EBF3: variants seen among roughly 807,000 people sequenced by gnomAD.
The protein encoded by EBF3 is transcription factor COE3.
In EBF3, 18 loss-of-function variants were observed where a neutral mutation model predicts 77.1. The ratio of observed to expected loss-of-function variants is 0.23; its 90% CI spans 0.16 to 0.35. The LOEUF (loss-of-function observed/expected upper bound fraction) is 0.35, where lower values mean the gene tolerates loss of function less well. Among genes scored for constraint, EBF3 ranks in the 10% least tolerant of loss-of-function variants. EBF3 has a pLI of 1.00. For missense variants in EBF3, 558 were observed against 860.0 expected, an observed-to-expected ratio of 0.65 and a Z score of 4.39; for synonymous variants, 350 against 343.5, an observed-to-expected ratio of 1.02 and a Z score of -0.21.
rs569021454 is a variant in EBF3 at position 129,896,793 on chromosome 10, T to C, written c.555-18944A>G. 4.3e-4 allele frequency among the ~76,000 whole-genome samples: 66 copies of C among 152,362 alleles called. 1 individual carries two copies. The South Asian group carries it at 0.013, about 30-fold the overall frequency. ...CCCTGTAGCTCCAACTCCTGAGAGC[T>C]GGTGACACGCCCAGCCCGTAGCCAC... is the stretch of plus-strand genomic sequence containing the variant. On this transcript the variant is annotated intron_variant, in intron 6 of 16. Coordinates refer to ENST00000440978, the MANE Select transcript of EBF3 (RefSeq NM_001375380.1).
intron 6 of EBF3, among the ~76,000 whole-genome samples, chr10:129,926,255 G>A (rs765647451): frequency 1.3e-5 from 2 of 152,172 alleles, no homozygotes; most frequent in African/African-American, 2.4e-5. Flanking sequence ...ATGGCGGAAC[G>A]CACACCTTGG....
At chr10:129,941,966 G>A (rs10764923) in intron 6 of EBF3, among the ~76,000 whole-genome samples, 101,419 of 152,066 alleles carry the variant, frequency 0.67, 34,271 homozygotes, top group East Asian at 0.95. Flanking sequence ...ACAGACACAC[G>A]AGGACTTGGC....
intron 10 of EBF3, among the ~76,000 whole-genome samples, chr10:129,860,617 G>T (rs1301947268): frequency 6.6e-6 from 1 of 152,162 alleles, no homozygotes; most frequent in East Asian, 1.9e-4. Flanking sequence ...AGCCCCCTCG[G>T]ATGACAGACA....
At chr10:129,895,442 C>T (rs544026225) in intron 6 of EBF3, among the ~76,000 whole-genome samples, 278 of 152,350 alleles carry the variant, frequency 1.8e-3, no homozygotes, top group African/African-American at 6.0e-3. Flanking sequence ...AGCTGGGCTG[C>T]GGCCCAGCTA....
At chr10:129,939,990 TC>T (rs1203497653) in intron 6 of EBF3, among the ~76,000 whole-genome samples, 1 of 152,170 alleles carries the variant, frequency 6.6e-6, no homozygotes, top group Non-Finnish European at 1.5e-5. Flanking sequence ...CCTGGCAGCT[TC>T]CCCTCTGACG....
intron 6 of EBF3, among the ~76,000 whole-genome samples, chr10:129,921,290 C>A (rs909391838): frequency 3.9e-5 from 6 of 152,094 alleles, no homozygotes; most frequent in African/African-American, 1.4e-4. Context: ...TCCTGGGCAC[C>A]GCAGGGTGTT....
In EBF3 at chr10:129,836,147, A is replaced by G. The variant is rs549836608; in HGVS notation, c.*1796T>C. The stretch of plus-strand genomic sequence containing the variant: ...TGTGTGTGTTTGTGTGTTTTACACC[A>G]TACATCTCCAAATGAAGTATTTATT... On this transcript the variant is annotated 3_prime_UTR_variant, in exon 17 of 17. Coordinates refer to ENST00000440978, the MANE Select transcript of EBF3 (RefSeq NM_001375380.1). The G allele has an allele frequency of 3.9e-5, 6 of 152,746 alleles. No individual in the cohort carries two copies. The highest frequency in any genetic ancestry group is 1.4e-4 in the African/African-American group (6 of 41,550). 9.5% of individuals were successfully genotyped at this position (152,746 alleles called of 1,614,324 possible). A position where few individuals can be genotyped will look rare whatever the true frequency, so the allele number is the denominator to read the frequency against.
rs966634791 is a variant in EBF3, at chr10:129,893,232, G to A, written c.555-15383C>T. 5.9e-5 allele frequency among the ~76,000 whole-genome samples: 9 copies of A among 152,176 alleles called. No homozygotes were observed. The East Asian group carries it at 1.7e-3, about 29-fold the overall frequency. On this transcript the variant is annotated intron_variant, in intron 6 of 16. Coordinates refer to ENST00000440978, the MANE Select transcript of EBF3 (RefSeq NM_001375380.1). ...AATCAATAAGGAGTAAATAAAGATTGGCATTCACTATACTCCACTTGACAA... is the reference window on the plus strand; with the variant it reads ...AATCAATAAGGAGTAAATAAAGATTAGCATTCACTATACTCCACTTGACAA...
chr10:129,959,821 G>A (rs571107637), intron 4 of EBF3, among the ~76,000 whole-genome samples: 1 of 152,002 alleles, frequency 6.6e-6, no homozygotes, highest in Non-Finnish European at 1.5e-5. Flanking sequence ...CAGGGCGCCC[G>A]AGCCCGCGCG....
At position 129,927,689 on chromosome 10, in the gene EBF3, C is replaced by T. The variant is rs551044541; in HGVS notation, c.554+29569G>A. On this transcript the variant is annotated intron_variant, in intron 6 of 16. Transcript: ENST00000440978. ...CATAGTCGTCTTCTTCCTTTCGGCC[C>T]TCCCTCTGCCCTTTGAGTCTACCTG... Among the ~76,000 whole-genome samples the T allele has an allele frequency of 2.6e-3, 390 of 152,306 alleles. 4 individuals are homozygous for T. The highest frequency in any genetic ancestry group is 8.8e-3 in the African/African-American group (367 of 41,558).
At chr10:129,953,023 CTG>C (rs1858779559) in intron 6 of EBF3, among the ~76,000 whole-genome samples, 1 of 137,986 alleles carries the variant, frequency 7.2e-6, no homozygotes, top group Non-Finnish European at 1.5e-5. Flanking sequence ...AAAGGAAACA[CTG>C]TTGACTAAAA....
chr10:129,921,682 T>A (rs1856322229), intron 6 of EBF3, among the ~76,000 whole-genome samples: 1 of 152,192 alleles, frequency 6.6e-6, no homozygotes, highest in South Asian at 2.1e-4. Context: ...CTGCTGCCCG[T>A]CCTGAGCACC....
Position 129,918,489 on chromosome 10 carries a change from G to A in EBF3, c.554+38769C>T, listed in dbSNP as rs574369102. Among the ~76,000 whole-genome samples, 193 of 152,340 alleles carry A rather than the reference G, an allele frequency of 1.3e-3. 1 individual carries two copies. Among genetic ancestry groups the A allele is most frequent in the South Asian group, 4.2e-3 (20 of 4,818 alleles). ...ACCAGACTAAAGAGGATCGGGGAGC[G>A]TTGAGAAAGTAATGGAGCTTGGAGC... is the stretch of plus-strand genomic sequence containing the variant. On this transcript the variant is annotated intron_variant, in intron 6 of 16. Coordinates refer to ENST00000440978, the MANE Select transcript of EBF3 (RefSeq NM_001375380.1).
intron 6 of EBF3, among the ~76,000 whole-genome samples, chr10:129,932,842 C>CCAGCCTT (rs1470509321): frequency 7.9e-5 from 12 of 152,116 alleles, no homozygotes; most frequent in Admixed American, 7.9e-4. Context: ...CTCAAACAAC[C>CCAGCCTT]CAGCCTTCAC....
intron 6 of EBF3, among the ~76,000 whole-genome samples, chr10:129,913,700 T>C (rs1332957904): frequency 6.6e-6 from 1 of 152,150 alleles, no homozygotes; most frequent in Non-Finnish European, 1.5e-5. Context: ...TCACCACCGG[T>C]GAGGGGCCCA....
chr10:129,871,161 C>T (rs1049932584), intron 8 of EBF3, among the ~76,000 whole-genome samples: 1 of 152,176 alleles, frequency 6.6e-6, no homozygotes, highest in Non-Finnish European at 1.5e-5. Context: ...GCATGCAAAT[C>T]GCTTCTGTGC....
In EBF3 at chr10:129,947,715, G is replaced by C. The variant is rs1858334971; in HGVS notation, c.554+9543C>G. Among the ~76,000 whole-genome samples, 2 of 151,126 alleles carry C rather than the reference G, an allele frequency of 1.3e-5. No individual in the cohort carries two copies. The highest frequency in any genetic ancestry group is 2.9e-5 in the Non-Finnish European group (2 of 67,896). On this transcript the variant is annotated intron_variant, in intron 6 of 16. Coordinates refer to ENST00000440978, the MANE Select transcript of EBF3 (RefSeq NM_001375380.1). This position sits in a 1 kb window ranked among gnomAD's most constrained non-coding sequence, Gnocchi z 4.5. ...AAAAAAAAAAAGAAGGGCAGGACGG[G>C]CAAACTTCTGAAAGCCTGGTGAACC...
At chr10:129,913,421 C>T (rs539484415) in intron 6 of EBF3, among the ~76,000 whole-genome samples, 4 of 152,372 alleles carry the variant, frequency 2.6e-5, no homozygotes, top group South Asian at 4.1e-4. Flanking sequence ...GAGCATGCAA[C>T]TCCAGCAGCA....
chr10:129,920,964 G>A (rs10829659), intron 6 of EBF3, among the ~76,000 whole-genome samples: 2 of 152,068 alleles, frequency 1.3e-5, no homozygotes. Flanking sequence ...CCAGAAGGCT[G>A]TTGTGAGCCT....
Sources: allele counts gnomAD v4.1 joint callset (sites outside exome capture counted in the v4.1 genomes callset), GRCh38; gene constraint gnomAD v4.1.1; non-coding constraint Gnocchi (gnomAD v3.1); transcripts MANE v1.5; gene names NCBI Gene and HGNC (gene_info 2026-07-23, HGNC 2026-07-21).